Variants in TANC1 observed in about 807,000 individuals in gnomAD.
TANC1 encodes protein TANC1.
A neutral mutation model predicts 149.7 loss-of-function variants in TANC1; 77 were observed. That is an observed-to-expected ratio of 0.51 (90% CI 0.43 to 0.62). The LOEUF is 0.62. Ranked by LOEUF, TANC1 falls within the 20% of genes least tolerant of loss-of-function variation. TANC1 has a pLI of 0.00. For synonymous variants in TANC1, 854 were observed against 925.0 expected, an observed-to-expected ratio of 0.92 and a Z score of 1.39; for missense variants, 1,985 against 2,321.8, an observed-to-expected ratio of 0.85 and a Z score of 2.98.
At chr2:159,058,102 G>A (rs190335938) in intron 2 of TANC1, among the ~76,000 whole-genome samples, 15 of 152,314 alleles carry the variant, frequency 9.8e-5, no homozygotes, top group Admixed American at 9.2e-4. Context: ...TGGCCTGGGA[G>A]ACATCATGAT....
chr2:159,136,330 A>C (rs1212250021), intron 5 of TANC1, 32 bp downstream of exon 5: 2 of 1,242,316 alleles, frequency 1.6e-6, no homozygotes, highest in Middle Eastern at 1.9e-4. Flanking sequence ...TTCCCCCTCT[A>C]CCAAAGATTT....
At chr2:159,045,575 C>T (rs573066693) in intron 2 of TANC1, among the ~76,000 whole-genome samples, 2 of 152,294 alleles carry the variant, frequency 1.3e-5, no homozygotes, top group South Asian at 4.2e-4. Context: ...GAATATATTT[C>T]AGAAGCCTCA....
intron 4 of TANC1, among the ~76,000 whole-genome samples, chr2:159,129,907 C>T: frequency 6.6e-6 from 1 of 152,222 alleles, no homozygotes; most frequent in East Asian, 1.9e-4. Context: ...AAACAGCGGT[C>T]TTCCCTAGAG....
In TANC1 at chr2:159,008,150, A is replaced by G. The variant is rs116557348; in HGVS notation, c.-16+6961A>G. Among the ~76,000 whole-genome samples the G allele has an allele frequency of 5.6e-3, 854 of 152,302 alleles. 4 individuals carry two copies. The highest frequency in any genetic ancestry group is 0.019 in the African/African-American group (797 of 41,564). On this transcript the variant is annotated intron_variant, in intron 2 of 26. Coordinates refer to ENST00000263635, the MANE Select transcript of TANC1 (RefSeq NM_033394.3). ...TTTATTTCAAGAGAAAGTAGCAACTATTGTTACTGGAATTTCAGCTTATGC... is the reference window on the plus strand; with the variant it reads ...TTTATTTCAAGAGAAAGTAGCAACTGTTGTTACTGGAATTTCAGCTTATGC...
chr2:159,042,218 C>G (rs373771776), intron 2 of TANC1, among the ~76,000 whole-genome samples: 1 of 152,156 alleles, frequency 6.6e-6, no homozygotes, highest in African/African-American at 2.4e-5. Context: ...AGCCTCGGCA[C>G]GCACAAACCT....
At chr2:159,227,645 A>T (rs548699473) in intron 24 of TANC1, 174 bp from the exon 25 acceptor site, 1 of 652,504 alleles carries the variant, frequency 1.5e-6, no homozygotes, top group Admixed American at 3.0e-5. Context: ...TGAAGCCCTC[A>T]TGTGCCAGCC....
At position 159,111,019 on chromosome 2, in the gene TANC1, T is replaced by G. The variant is rs557797868; in HGVS notation, c.259+13185T>G. Reference sequence around the variant, plus strand: ...TCATCTTTTCCTGGTTTGCACATGATTTGTGTGAAGTGATTAAAATGTTAT... The same window carrying G: ...TCATCTTTTCCTGGTTTGCACATGAGTTGTGTGAAGTGATTAAAATGTTAT... On this transcript the variant is annotated intron_variant, in intron 4 of 26. Coordinates refer to ENST00000263635, the MANE Select transcript of TANC1 (RefSeq NM_033394.3). Among the ~76,000 whole-genome samples the G allele has an allele frequency of 2.0e-5, 3 of 152,306 alleles. No individual in the cohort carries two copies. In the East Asian group the frequency reaches 5.8e-4, roughly 29 times the overall value.
chr2:159,190,601 G>C (rs910059352), intron 16 of TANC1, among the ~76,000 whole-genome samples: 1 of 151,942 alleles, frequency 6.6e-6, no homozygotes, highest in African/African-American at 2.4e-5. Context: ...GCCCAGGCTG[G>C]AGTGCAATGG....
chr2:159,005,770 G>C (rs2037102882), intron 2 of TANC1, among the ~76,000 whole-genome samples: 1 of 151,466 alleles, frequency 6.6e-6, no homozygotes, highest in Non-Finnish European at 1.5e-5. Flanking sequence ...AATTTGCCTG[G>C]TCTATTCTGA....
rs202094736 is a variant in TANC1, at chr2:159,145,244, A to G, written c.365-3898A>G. On this transcript the variant is annotated intron_variant, in intron 5 of 26. Transcript: ENST00000263635. ...AAAACCTATTTGAGGCAGAAAAATT[A>G]TGAACAGAAAGTTATGTAAGACATA... 2.6e-5 allele frequency among the ~76,000 whole-genome samples: 4 copies of G among 152,244 alleles called. No homozygotes were observed. The East Asian group carries it at 7.7e-4, about 29-fold the overall frequency.
intron 22 of TANC1, among the ~76,000 whole-genome samples, chr2:159,220,313 AT>A (rs1401112183): frequency 2.7e-5 from 4 of 150,158 alleles, no homozygotes; most frequent in South Asian, 2.1e-4. Context: ...TAATTTATTA[AT>A]TTTTTTTTCC....
Position 159,185,905 on chromosome 2 carries a change from A to G in TANC1, c.2619+6A>G, listed in dbSNP as rs1383628223. 6.3e-7 allele frequency: 1 copy of G among 1,593,518 alleles called. No individual in the cohort carries two copies. Among genetic ancestry groups the G allele is most frequent in the Non-Finnish European group, 8.6e-7 (1 of 1,161,360 alleles). On this transcript the variant is annotated splice_donor_region_variant and intron_variant, in intron 15 of 26. Transcript: ENST00000263635. Reference sequence around the variant, plus strand: ...TGAAGGCGCACATTTTCAAGGTGAGATGCACACCAACTTGGGGAAGGGTTT... The same window carrying G: ...TGAAGGCGCACATTTTCAAGGTGAGGTGCACACCAACTTGGGGAAGGGTTT...
At chr2:159,019,972 G>A (rs761504090) in intron 2 of TANC1, among the ~76,000 whole-genome samples, 8 of 152,038 alleles carry the variant, frequency 5.3e-5, no homozygotes, top group Non-Finnish European at 1.2e-4. Flanking sequence ...TCCAAGCGCT[G>A]CCAAGAGTTC....
intron 2 of TANC1, among the ~76,000 whole-genome samples, chr2:159,039,679 C>G (rs2040475747): frequency 6.6e-6 from 1 of 152,104 alleles, no homozygotes; most frequent in Non-Finnish European, 1.5e-5. Context: ...GTTTCTTAGT[C>G]CTGAGTTCTA....
chr2:159,158,786 G>A (rs187407809), intron 7 of TANC1, among the ~76,000 whole-genome samples: 2 of 152,352 alleles, frequency 1.3e-5, no homozygotes, highest in East Asian at 3.9e-4. Flanking sequence ...CATGTGGAAG[G>A]TGGTGTTTAT....
intron 3 of TANC1, among the ~76,000 whole-genome samples, chr2:159,090,508 C>T (rs1449059141): frequency 2.0e-5 from 3 of 152,170 alleles, no homozygotes; most frequent in Non-Finnish European, 4.4e-5. Flanking sequence ...CGGCAGGGAT[C>T]GGGGGTCCCT....
chr2:159,167,863 C>T (rs1036469862), intron 8 of TANC1, among the ~76,000 whole-genome samples: 5 of 152,086 alleles, frequency 3.3e-5, no homozygotes, highest in African/African-American at 9.7e-5. Flanking sequence ...GCAGGTAGGA[C>T]GGATGGCACT....
rs190797166 is a variant in TANC1 at position 159,053,254 on chromosome 2, C to T, written c.-15-12642C>T. Among the ~76,000 whole-genome samples, 516 of 151,020 alleles carry T rather than the reference C, an allele frequency of 3.4e-3. 6 individuals are homozygous for T. Among genetic ancestry groups the T allele is most frequent in the African/African-American group, 0.012 (475 of 41,124 alleles). The stretch of plus-strand genomic sequence containing the variant: ...GTTGGAGTTAATTAAAAAATTAAGC[C>T]TTCAAGTCCAACAGAGCTTAAGGGA... On this transcript the variant is annotated intron_variant, in intron 2 of 26. Coordinates refer to ENST00000263635, the MANE Select transcript of TANC1 (RefSeq NM_033394.3).
rs575689256 is a variant in TANC1, at chr2:159,130,489, C to T, written c.260-5705C>T. Among the ~76,000 whole-genome samples, 16 of 152,040 alleles carry T rather than the reference C, an allele frequency of 1.1e-4. No individual in the cohort carries two copies. In the South Asian group the frequency reaches 2.7e-3, roughly 26 times the overall value. On this transcript the variant is annotated intron_variant, in intron 4 of 26. Transcript: ENST00000263635. ...GGCTGCTTTATGTGGGGGAGTGTTC[C>T]GTATAGATGGCACAGCGATTAGTGT...
Sources: allele counts gnomAD v4.1 joint callset (sites outside exome capture counted in the v4.1 genomes callset), GRCh38; gene constraint gnomAD v4.1.1; transcripts MANE v1.5; gene names NCBI Gene and HGNC (gene_info 2026-07-23, HGNC 2026-07-21).